Variants in CAPN13 observed in about 807,000 individuals in gnomAD.
CAPN13 encodes the protein calpain-13.
In CAPN13, 90 loss-of-function variants were observed where a neutral mutation model predicts 98.4. That is an observed-to-expected ratio of 0.92 (90% CI 0.77 to 1.09). CAPN13 has a LOEUF of 1.09. Among genes scored for constraint, CAPN13 ranks in the 50% least tolerant of loss-of-function variants. The pLI, the probability that CAPN13 is intolerant of heterozygous loss-of-function variation, is 0.00. For missense variants in CAPN13, 887 were observed against 841.3 expected (o/e 1.05, Z -0.67); for synonymous variants, 330 against 305.5 (o/e 1.08, Z -0.84).
At chr2:30,742,037 C>G in intron 14 of CAPN13, 73 bp from the exon 15 acceptor site, 1 of 1,337,758 alleles carries the variant, frequency 7.5e-7, no homozygotes, top group Non-Finnish European at 1.1e-6. Flanking sequence ...AGCAAGGGTG[C>G]AACAACCCCT....
rs570457519 is a variant in CAPN13, at chr2:30,741,597, C to T, written c.1536+311G>A. 3.3e-5 allele frequency: 37 copies of T among 1,114,616 alleles called. 1 individual carries two copies. The South Asian group carries it at 5.4e-4, about 16-fold the overall frequency. 69.0% of individuals were successfully genotyped at this position (1,114,616 alleles called of 1,614,324 possible). ...CCGAGTAGGAGAAGGAAAGGTTTCA[C>T]GGGGTACTGCCAATTGCTTGTTTAA... On this transcript the variant is annotated intron_variant, in intron 15 of 22. Transcript: ENST00000295055.
chr2:30,727,513 G>C (rs1409892078), intron 22 of CAPN13, among the ~76,000 whole-genome samples: 2 of 152,054 alleles, frequency 1.3e-5, no homozygotes, highest in Non-Finnish European at 2.9e-5. Context: ...AGAACTAAAT[G>C]AACATTTCGC....
At chr2:30,782,037 G>T (rs35312807) in intron 2 of CAPN13, among the ~76,000 whole-genome samples, 36,052 of 151,958 alleles carry the variant, frequency 0.24, 4,681 homozygotes, top group South Asian at 0.38. Flanking sequence ...AGGCAAAGCT[G>T]GGGGGTAATC....
At chr2:30,764,440 C>T (rs1673010880) in intron 5 of CAPN13, 134 bp from the exon 6 acceptor site, 1 of 892,102 alleles carries the variant, frequency 1.1e-6, no homozygotes, top group Non-Finnish European at 1.7e-6. Flanking sequence ...GGCCACCCAC[C>T]TCCCCTTTGC....
rs114861559 is a variant in CAPN13, at chr2:30,755,108, C to T, written c.867-744G>A. On this transcript the variant is annotated intron_variant, in intron 8 of 22. Coordinates refer to ENST00000295055, the MANE Select transcript of CAPN13 (RefSeq NM_144575.3). ...TTCTACTCTCCAGCAATAGTGTCTT[C>T]ATTTCCTTAAAACACCACCCCCCCA... is the stretch of plus-strand genomic sequence containing the variant. Among the ~76,000 whole-genome samples the T allele has an allele frequency of 6.4e-3, 973 of 152,108 alleles. 15 individuals carry two copies. Among genetic ancestry groups the T allele is most frequent in the African/African-American group, 0.023 (936 of 41,490 alleles).
chr2:30,743,138 A>T (rs1671739837), intron 13 of CAPN13: 1 of 527,606 alleles, frequency 1.9e-6, no homozygotes, highest in South Asian at 2.6e-5. Context: ...CTTGCCACTC[A>T]GTCCTCCCGT....
Position 30,738,458 on chromosome 2 carries a change from C to T in CAPN13, c.1537-1G>A. The T allele has an allele frequency of 6.2e-7, 1 of 1,602,044 alleles. No individual in the cohort carries two copies. The highest frequency in any genetic ancestry group is 8.5e-7 in the Non-Finnish European group (1 of 1,174,034). ...GCTGGGTGGCATCAATGTCCAGCCT[C>T]TGATCCAAACAAGGAAGGAATGCAG... On this transcript the variant is annotated splice_acceptor_variant, in intron 15 of 22. Coordinates refer to ENST00000295055, the MANE Select transcript of CAPN13 (RefSeq NM_144575.3). LOFTEE classifies it high-confidence loss of function.
At position 30,783,905 on chromosome 2, in the gene CAPN13, G is replaced by A. The variant is rs567953531; in HGVS notation, c.198+3223C>T. On this transcript the variant is annotated intron_variant, in intron 2 of 22. Coordinates refer to ENST00000295055, the MANE Select transcript of CAPN13 (RefSeq NM_144575.3). ...GATAGAAAGCAGAACATGAGGCTGG[G>A]TGTGGTGTCTCATGCCTGTAATCCC... 7.5e-4 allele frequency among the ~76,000 whole-genome samples: 114 copies of A among 152,210 alleles called. 1 individual carries two copies. The highest frequency in any genetic ancestry group is 2.7e-3 in the African/African-American group (111 of 41,520).
chr2:30,798,878 T>C (rs994048051), intron 1 of CAPN13, among the ~76,000 whole-genome samples: 3 of 152,140 alleles, frequency 2.0e-5, no homozygotes, highest in African/African-American at 7.2e-5. Context: ...CTCTCTCTGC[T>C]GACAAGGAAC....
intron 4 of CAPN13, 132 bp downstream of exon 4, chr2:30,775,798 G>T: frequency 2.1e-6 from 1 of 475,344 alleles, no homozygotes; most frequent in Non-Finnish European, 3.7e-6. Context: ...TTTTTTGAAG[G>T]TAGGGAGGGT....
At chr2:30,756,271 G>A (rs1672442084) in intron 8 of CAPN13, among the ~76,000 whole-genome samples, 1 of 152,132 alleles carries the variant, frequency 6.6e-6, no homozygotes, top group African/African-American at 2.4e-5. Context: ...AGGCCGGCTT[G>A]TTGGCCCGGA....
At chr2:30,745,617 A>G (rs992077004) in intron 12 of CAPN13, 106 bp downstream of exon 12, 32 of 1,134,806 alleles carry the variant, frequency 2.8e-5, no homozygotes, top group Admixed American at 6.6e-5. Flanking sequence ...GCGAGACTGA[A>G]TTTGCAGCCA....
At chr2:30,767,092 G>A (rs1673151550) in intron 5 of CAPN13, among the ~76,000 whole-genome samples, 1 of 152,178 alleles carries the variant, frequency 6.6e-6, no homozygotes, top group Non-Finnish European at 1.5e-5. Flanking sequence ...GAAGGCATGG[G>A]AAATAGCGAC....
At position 30,771,219 on chromosome 2, in the gene CAPN13, T is replaced by C. The variant is rs552206060; in HGVS notation, c.388-770A>G. On this transcript the variant is annotated intron_variant, in intron 4 of 22. Coordinates refer to ENST00000295055, the MANE Select transcript of CAPN13 (RefSeq NM_144575.3). ...AGGAAAATTCATAACAAATCCAGCT[T>C]TTTGGATTCTCTTTGCTGGCCTCCC... 1.3e-4 allele frequency among the ~76,000 whole-genome samples: 20 copies of C among 152,274 alleles called. No individual in the cohort carries two copies. The South Asian group carries it at 2.7e-3, about 21-fold the overall frequency.
intron 11 of CAPN13, among the ~76,000 whole-genome samples, chr2:30,747,970 AT>A (rs1199149835): frequency 6.6e-6 from 1 of 152,222 alleles, no homozygotes; most frequent in Non-Finnish European, 1.5e-5. Flanking sequence ...GCTTGATGTC[AT>A]TTTAAAAATG....
chr2:30,768,232 T>G (rs1046540072), intron 5 of CAPN13, among the ~76,000 whole-genome samples: 1 of 152,204 alleles, frequency 6.6e-6, no homozygotes, highest in Admixed American at 6.5e-5. Context: ...GACCCAGGCT[T>G]GACCAATAAG....
intron 18 of CAPN13, among the ~76,000 whole-genome samples, chr2:30,735,126 G>A (rs573487043): frequency 7.2e-5 from 11 of 152,266 alleles, no homozygotes; most frequent in East Asian, 1.9e-4. Context: ...GGTGGCAACC[G>A]GAACATATCA....
chr2:30,739,339 T>A (rs776251041), intron 15 of CAPN13, among the ~76,000 whole-genome samples: 1 of 152,082 alleles, frequency 6.6e-6, no homozygotes, highest in Non-Finnish European at 1.5e-5. Context: ...TCATGTAGAA[T>A]AGGGTGCCTC....
intron 20 of CAPN13, 43 bp from the exon 21 acceptor site, chr2:30,731,442 G>A (rs552766174): frequency 1.3e-6 from 2 of 1,568,838 alleles, no homozygotes; most frequent in South Asian, 1.2e-5. Flanking sequence ...GAGGAGGAAG[G>A]AATCCAGGCA....
Sources: gnomAD v4.1 joint callset for allele counts (sites outside exome capture counted in the v4.1 genomes callset) on GRCh38, gnomAD v4.1.1 for gene constraint, MANE v1.5 for transcripts, NCBI Gene and HGNC (gene_info 2026-07-23, HGNC 2026-07-21) for gene names.